ARID1A: variants seen among roughly 807,000 people sequenced by gnomAD.
The protein encoded by ARID1A is AT-rich interaction domain 1A, also known as AT-rich interactive domain-containing protein 1A.
ARID1A carries 20 observed loss-of-function variants against 212.6 expected under a neutral mutation model. The ratio of observed to expected loss-of-function variants is 0.09; its 90% CI spans 0.07 to 0.14. The LOEUF (loss-of-function observed/expected upper bound fraction) is 0.14, where lower values mean the gene tolerates loss of function less well. Ranked by LOEUF, ARID1A falls within the 10% of genes least tolerant of loss-of-function variation. ARID1A has a pLI of 1.00. For synonymous variants in ARID1A, 1,376 were observed against 1,222.1 expected (o/e 1.13, Z -2.63); for missense variants, 2,587 against 3,059.0 (o/e 0.85, Z 3.64).
At chr1:26,720,343 C>T (rs946939622) in intron 1 of ARID1A, among the ~76,000 whole-genome samples, 10 of 151,670 alleles carry the variant, frequency 6.6e-5, no homozygotes, top group African/African-American at 2.2e-4. Flanking sequence ...CCTGGTGGCA[C>T]AGGTCTGTAA....
chr1:26,718,165 C>T (rs186485152), intron 1 of ARID1A, among the ~76,000 whole-genome samples: 7 of 152,030 alleles, frequency 4.6e-5, no homozygotes, highest in East Asian at 3.9e-4. Flanking sequence ...AGTAGAGACG[C>T]GGTTTCTCCA....
intron 1 of ARID1A, among the ~76,000 whole-genome samples, chr1:26,701,814 T>A (rs1170401960): frequency 1.3e-5 from 2 of 152,184 alleles, no homozygotes; most frequent in Non-Finnish European, 2.9e-5. Context: ...CTGTAGACTT[T>A]TACAGAAAAA....
chr1:26,763,376 G>C (rs1021767480), intron 8 of ARID1A, 91 bp downstream of exon 8: 27 of 1,404,452 alleles, frequency 1.9e-5, no homozygotes, highest in African/African-American at 7.2e-5. Flanking sequence ...CCTAAACCAG[G>C]GGGGGAAAAT....
Position 26,780,550 on chromosome 1 carries a change from A to G in ARID1A, c.6652A>G (p.Met2218Val), listed in dbSNP as rs760749276. The change falls in exon 20 of 20, where the codon ATG becomes GTG. Residue 2218 changes from methionine to valine, a missense_variant. Coordinates refer to ENST00000324856, the MANE Select transcript of ARID1A (RefSeq NM_006015.6). This position sits in a 1 kb window ranked among gnomAD's most constrained non-coding sequence, Gnocchi z 7.2. ...GCAGAGCCAGGCCAGCCTCCTCCAC[A>G]TGCAGAACCCACCCTTTGAGCCAAC... is the stretch of plus-strand genomic sequence containing the variant. Reference protein sequence around the residue: ...FQQSQASLLHMQNPPFEPTSV... With the variant: ...FQQSQASLLHVQNPPFEPTSV... 4.3e-6 allele frequency: 7 copies of G among 1,614,144 alleles called. No individual in the cohort carries two copies. Among genetic ancestry groups the G allele is most frequent in the Non-Finnish European group, 4.2e-6 (5 of 1,179,968 alleles).
intron 8 of ARID1A, 79 bp from the exon 9 acceptor site, chr1:26,766,141 CA>C: frequency 6.7e-7 from 1 of 1,484,332 alleles, no homozygotes; most frequent in Non-Finnish European, 9.1e-7. Context: ...GATGATCACA[CA>C]GCACTATTTG....
intron 2 of ARID1A, 49 bp from the exon 3 acceptor site, chr1:26,731,103 T>C (rs779943581): frequency 2.6e-6 from 4 of 1,553,886 alleles, no homozygotes; most frequent in Non-Finnish European, 3.5e-6. Flanking sequence ...ACTTCATCTT[T>C]CCTCATGCAG....
intron 12 of ARID1A, 123 bp from the exon 13 acceptor site, chr1:26,772,377 G>T: frequency 7.1e-7 from 1 of 1,406,220 alleles, no homozygotes; most frequent in Admixed American, 2.0e-5. Flanking sequence ...TAAGAAGGGT[G>T]ATCAGGCTTT....
intron 10 of ARID1A, 24 bp from the exon 11 acceptor site, chr1:26,767,766 T>C (rs779581805): frequency 6.3e-7 from 1 of 1,585,144 alleles, no homozygotes; most frequent in South Asian, 1.1e-5. Flanking sequence ...CCCATTCCTA[T>C]GAATTTTGAC....
In ARID1A at chr1:26,771,021, A is replaced by G; in HGVS notation, c.3199-98A>G. ...TCAATTACCTAAGAACTGTGGTTCT[A>G]CAAAGATGAATACCTTACAGCCTGA... On this transcript the variant is annotated intron_variant, in intron 11 of 19. Coordinates refer to ENST00000324856, the MANE Select transcript of ARID1A (RefSeq NM_006015.6). The surrounding 1 kb of genome is among the most constrained non-coding windows in gnomAD (Gnocchi z 5.4). 9.1e-7 allele frequency: 1 copy of G among 1,095,144 alleles called. No individual in the cohort carries two copies. The highest frequency in any genetic ancestry group is 1.4e-5 in the South Asian group (1 of 71,462). The allele number at this position is 1,095,144 out of a possible 1,614,324, so 67.8% of individuals were successfully genotyped here. A position where few individuals can be genotyped will look rare whatever the true frequency, so the allele number is the denominator to read the frequency against.
rs1346018396 is a variant in ARID1A at position 26,775,718 on chromosome 1, G to A, written c.5124+11G>A. ...TTCAACCTCAGTCAGGTGAGTATCAGTGCCTGGGGAAGATTGAGAGGGTTT... is the reference window on the plus strand; with the variant it reads ...TTCAACCTCAGTCAGGTGAGTATCAATGCCTGGGGAAGATTGAGAGGGTTT... On this transcript the variant is annotated intron_variant, in intron 19 of 19. Transcript: ENST00000324856. 6.2e-7 allele frequency: 1 copy of A among 1,614,204 alleles called. No individual in the cohort carries two copies. Among genetic ancestry groups the A allele is most frequent in the Admixed American group, 1.7e-5 (1 of 60,036 alleles).
intron 1 of ARID1A, among the ~76,000 whole-genome samples, chr1:26,707,033 CTTT>C (rs763118260): frequency 7.1e-6 from 1 of 140,540 alleles, no homozygotes. Flanking sequence ...AGGATCCTGA[CTTT>C]TTTTTTTTTT....
intron 14 of ARID1A, 137 bp downstream of exon 14, chr1:26,773,124 C>G: frequency 7.7e-7 from 1 of 1,301,864 alleles, no homozygotes; most frequent in East Asian, 2.4e-5. Context: ...AACTACCCCT[C>G]TTCATCCTTA....
intron 1 of ARID1A, among the ~76,000 whole-genome samples, chr1:26,708,464 T>C (rs971624197): frequency 1.3e-5 from 2 of 150,124 alleles, no homozygotes; most frequent in Admixed American, 6.6e-5. Context: ...TTTTGTATTT[T>C]TAGTAGAGAT....
intron 4 of ARID1A, among the ~76,000 whole-genome samples, chr1:26,753,919 G>C (rs1392132792): frequency 6.6e-6 from 1 of 152,134 alleles, no homozygotes; most frequent in Non-Finnish European, 1.5e-5. Flanking sequence ...CCATTCTCCT[G>C]CCTCAGCCTC....
In ARID1A at chr1:26,739,002, T is replaced by C. The variant is rs374186270; in HGVS notation, c.1920+6210T>C. Reference sequence around the variant, plus strand: ...TCCCGGGTTCAAGCAATTCTCTGCCTCAGCCTCCCTAGTAGCTGGGATTAC... The same window carrying C: ...TCCCGGGTTCAAGCAATTCTCTGCCCCAGCCTCCCTAGTAGCTGGGATTAC... On this transcript the variant is annotated intron_variant, in intron 4 of 19. Transcript: ENST00000324856. 2.6e-5 allele frequency among the ~76,000 whole-genome samples: 4 copies of C among 151,324 alleles called. No homozygotes were observed. The East Asian group carries it at 5.9e-4, about 22-fold the overall frequency.
At chr1:26,718,323 C>T (rs2080523943) in intron 1 of ARID1A, among the ~76,000 whole-genome samples, 1 of 152,140 alleles carries the variant, frequency 6.6e-6, no homozygotes. Flanking sequence ...TGTGGTACTA[C>T]TATCTGTTCT....
chr1:26,705,160 A>T (rs2080377045), intron 1 of ARID1A, among the ~76,000 whole-genome samples: 2 of 149,394 alleles, frequency 1.3e-5, no homozygotes. Context: ...TTTTTTTGAG[A>T]TGGAGTCTTA....
At chr1:26,729,364 T>C (rs2080650407) in intron 1 of ARID1A, 1 of 432,616 alleles carries the variant, frequency 2.3e-6, no homozygotes, top group Admixed American at 3.5e-5. Context: ...CCTTTGTTTA[T>C]ACCCGGCCTG....
At chr1:26,738,073 G>C (rs1214349098) in intron 4 of ARID1A, among the ~76,000 whole-genome samples, 1 of 151,592 alleles carries the variant, frequency 6.6e-6, no homozygotes, top group Non-Finnish European at 1.5e-5. Context: ...ACCCAGGCTG[G>C]AGTGCAGTGG....
Sources: allele counts gnomAD v4.1 joint callset (sites outside exome capture counted in the v4.1 genomes callset), GRCh38; gene constraint gnomAD v4.1.1; non-coding constraint Gnocchi (gnomAD v3.1); transcripts MANE v1.5; gene names NCBI Gene and HGNC (gene_info 2026-07-23, HGNC 2026-07-21).